The following NOL4 variants were observed in gnomAD, a reference collection of about 807,000 sequenced individuals.
NOL4 encodes cancer/testis antigen 125.
NOL4 carries 17 observed loss-of-function variants against 75.9 expected under a neutral mutation model. The ratio of observed to expected loss-of-function variants is 0.22; its 90% CI spans 0.15 to 0.34. The LOEUF is 0.34. NOL4 is among the 10% of genes least tolerant of loss of function. The pLI, the probability that NOL4 is intolerant of heterozygous loss-of-function variation, is 1.00. For missense variants in NOL4, 614 were observed against 793.5 expected (o/e 0.77, Z 2.72); for synonymous variants, 292 against 289.9 (o/e 1.01, Z -0.07).
intron 1 of NOL4, among the ~76,000 whole-genome samples, chr18:34,213,764 T>A (rs972000692): frequency 1.3e-5 from 2 of 152,164 alleles, no homozygotes; most frequent in African/African-American, 2.4e-5. Flanking sequence ...AAGAAATAAA[T>A]CCTCATTCTT....
At chr18:34,161,993 C>G in intron 1 of NOL4, among the ~76,000 whole-genome samples, 1 of 152,230 alleles carries the variant, frequency 6.6e-6, no homozygotes. Flanking sequence ...AACTTCTAAA[C>G]TATCTGCCAA....
chr18:33,905,712 T>C (rs772096514), intron 9 of NOL4, among the ~76,000 whole-genome samples: 3 of 152,170 alleles, frequency 2.0e-5, no homozygotes, highest in Non-Finnish European at 1.5e-5. Flanking sequence ...CTATATGCTG[T>C]ATATCAGGAA....
chr18:34,222,246 A>G, intron 1 of NOL4: 5 of 1,399,454 alleles, frequency 3.6e-6, no homozygotes, highest in Non-Finnish European at 4.6e-6. Context: ...AAAGGAACAA[A>G]TACACACACC....
At chr18:34,094,314 T>C (rs953429492) in intron 4 of NOL4, among the ~76,000 whole-genome samples, 1 of 152,182 alleles carries the variant, frequency 6.6e-6, no homozygotes, top group Admixed American at 6.6e-5. Context: ...CCAACTTATA[T>C]ATTAGGTTCA....
intron 9 of NOL4, among the ~76,000 whole-genome samples, chr18:33,935,143 G>A (rs1882581280): frequency 6.6e-6 from 1 of 152,060 alleles, no homozygotes; most frequent in Admixed American, 6.6e-5. Flanking sequence ...GGGATTACAT[G>A]TGTGAGCCAT....
In NOL4 at chr18:34,054,161, AT is replaced by A. The variant is rs1389474550; in HGVS notation, c.773-34561del. 1.2e-4 allele frequency among the ~76,000 whole-genome samples: 19 copies of A among 152,096 alleles called. No individual in the cohort carries two copies. The East Asian group carries it at 3.3e-3, about 26-fold the overall frequency. The stretch of plus-strand genomic sequence containing the variant: ...TGAGGTCTATTCTGAAGAATGTTCC[AT>A]GTGCACTTGAGAAGAATGACTGGAG... On this transcript the variant is annotated intron_variant, in intron 5 of 10. Coordinates refer to ENST00000261592, the MANE Select transcript of NOL4 (RefSeq NM_003787.5).
chr18:34,061,953 A>G (rs1351856385), intron 5 of NOL4, among the ~76,000 whole-genome samples: 1 of 152,090 alleles, frequency 6.6e-6, no homozygotes, highest in African/African-American at 2.4e-5. Context: ...TCAATTACCA[A>G]AGGAAATAAC....
intron 6 of NOL4, among the ~76,000 whole-genome samples, chr18:33,971,411 T>G (rs539321161): frequency 6.6e-6 from 1 of 152,312 alleles, no homozygotes; most frequent in East Asian, 1.9e-4. Flanking sequence ...GGATCTGTCC[T>G]TTACAAGATA....
At chr18:33,854,747 T>A (rs530527061) in intron 10 of NOL4, among the ~76,000 whole-genome samples, 2 of 151,716 alleles carry the variant, frequency 1.3e-5, no homozygotes, top group African/African-American at 4.8e-5. Context: ...ACTGTCATTA[T>A]TTCATTACAA....
At chr18:33,882,025 T>C (rs920751437) in intron 10 of NOL4, among the ~76,000 whole-genome samples, 75 of 152,262 alleles carry the variant, frequency 4.9e-4, no homozygotes, top group Middle Eastern at 6.8e-3. Context: ...AAACTGGATC[T>C]CTTCCTTACA....
In NOL4 at chr18:34,224,189, AC is replaced by A. The variant is rs990239868; in HGVS notation, c.-937del. The A allele has an allele frequency of 6.6e-6, 1 of 152,278 alleles. No individual in the cohort carries two copies. The highest frequency in any genetic ancestry group is 2.4e-5 in the African/African-American group (1 of 41,454). The allele number at this position is 152,278 out of a possible 1,614,324, so 9.4% of individuals were successfully genotyped here. On this transcript the variant is annotated 5_prime_UTR_variant, in exon 1 of 11. It removes the in-frame stop codon of an upstream open reading frame in the 5' UTR. Coordinates refer to ENST00000261592, the MANE Select transcript of NOL4 (RefSeq NM_003787.5). Reference sequence around the variant, plus strand: ...GGCGGGTATCCCGAATAATGATGGGACCCCCAGACAGGACTCCTCTGGTTTC... The same window carrying A: ...GGCGGGTATCCCGAATAATGATGGGACCCCAGACAGGACTCCTCTGGTTTC...
chr18:33,947,807 C>G (rs1599990590), intron 8 of NOL4, among the ~76,000 whole-genome samples: 2 of 151,954 alleles, frequency 1.3e-5, no homozygotes, highest in South Asian at 2.1e-4. Flanking sequence ...TATCACTGCT[C>G]AAATCAGTGG....
chr18:34,211,062 A>G (rs930419828), intron 1 of NOL4, among the ~76,000 whole-genome samples: 1 of 151,930 alleles, frequency 6.6e-6, no homozygotes, highest in African/African-American at 2.4e-5. Context: ...CCTGAGTGAC[A>G]GAGTAAGACT....
At chr18:34,190,759 TA>T (rs1261646330) in intron 1 of NOL4, among the ~76,000 whole-genome samples, 23 of 151,828 alleles carry the variant, frequency 1.5e-4, no homozygotes, top group Admixed American at 4.6e-4. Flanking sequence ...ACCAATAATT[TA>T]AATTATGCAT....
chr18:33,989,423 C>T (rs911971170), intron 6 of NOL4, among the ~76,000 whole-genome samples: 3 of 151,856 alleles, frequency 2.0e-5, no homozygotes, highest in Non-Finnish European at 4.4e-5. Flanking sequence ...TGCTAGAAAC[C>T]AAGCCAAGAG....
intron 1 of NOL4, among the ~76,000 whole-genome samples, chr18:34,209,755 G>A (rs547512039): frequency 6.6e-5 from 10 of 152,260 alleles, no homozygotes; most frequent in South Asian, 2.1e-4. Flanking sequence ...AGTTCAACCC[G>A]TGAATTCTCT....
chr18:34,137,999 C>T (rs529616252), intron 1 of NOL4, among the ~76,000 whole-genome samples: 1 of 152,184 alleles, frequency 6.6e-6, no homozygotes, highest in East Asian at 1.9e-4. Flanking sequence ...GAAATAAGTA[C>T]TGATTCATCC....
intron 6 of NOL4, among the ~76,000 whole-genome samples, chr18:33,960,280 G>A (rs533636456): frequency 6.6e-6 from 1 of 152,070 alleles, no homozygotes; most frequent in Non-Finnish European, 1.5e-5. Flanking sequence ...GTAATCAAAT[G>A]CAGATAATTA....
chr18:34,219,866 G>A (rs764909606), intron 1 of NOL4, among the ~76,000 whole-genome samples: 5 of 152,236 alleles, frequency 3.3e-5, no homozygotes, highest in Non-Finnish European at 7.3e-5. Flanking sequence ...AAATGGCTGA[G>A]TTGCCGGATG....
Sources: gnomAD v4.1 joint callset for allele counts (sites outside exome capture counted in the v4.1 genomes callset) on GRCh38, gnomAD v4.1.1 for gene constraint, MANE v1.5 for transcripts, NCBI Gene and HGNC (gene_info 2026-07-23, HGNC 2026-07-21) for gene names.